MMP16: variants seen among roughly 807,000 people sequenced by gnomAD.
MMP16 encodes matrix metallopeptidase 16.
MMP16 carries 12 observed loss-of-function variants against 67.8 expected under a neutral mutation model. The observed-to-expected ratio is 0.18, with a 90% CI of 0.11 to 0.29. The LOEUF (loss-of-function observed/expected upper bound fraction) is 0.29. Among genes scored for constraint, MMP16 ranks in the 10% least tolerant of loss-of-function variants. The pLI is 1.00. For missense variants in MMP16, 475 were observed against 765.7 expected (o/e 0.62, Z 4.48); for synonymous variants, 249 against 255.9 (o/e 0.97, Z 0.26).
chr8:88,158,985 G>C (rs186599391), intron 4 of MMP16, among the ~76,000 whole-genome samples: 77 of 152,228 alleles, frequency 5.1e-4, no homozygotes, highest in African/African-American at 1.8e-3. Context: ...TAGATGTGTG[G>C]TGTTATTTCT....
rs533714807 is a variant in MMP16 at position 88,250,651 on chromosome 8, C to A, written c.133-53345G>T. Among the ~76,000 whole-genome samples the A allele has an allele frequency of 3.3e-5, 5 of 152,004 alleles. No individual in the cohort carries two copies. In the East Asian group the frequency reaches 9.7e-4, roughly 29 times the overall value. ...AGTAGGGGCTGAAAACATTTCATCT[C>A]TTAAAATTCATATTAAATATATATA... is the stretch of plus-strand genomic sequence containing the variant. On this transcript the variant is annotated intron_variant, in intron 1 of 9. Coordinates refer to ENST00000286614, the MANE Select transcript of MMP16 (RefSeq NM_005941.5).
At chr8:88,220,627 T>C (rs951007603) in intron 1 of MMP16, among the ~76,000 whole-genome samples, 2 of 152,130 alleles carry the variant, frequency 1.3e-5, no homozygotes, top group African/African-American at 4.8e-5. Flanking sequence ...GCACATTTAT[T>C]CATTAGGAGT....
At chr8:88,313,191 G>A (rs1489460023) in intron 1 of MMP16, among the ~76,000 whole-genome samples, 1 of 152,064 alleles carries the variant, frequency 6.6e-6, no homozygotes, top group African/African-American at 2.4e-5. Context: ...TGATGTTGTT[G>A]GACATCTGTG....
chr8:88,262,061 G>C (rs558278185), intron 1 of MMP16, among the ~76,000 whole-genome samples: 1 of 152,172 alleles, frequency 6.6e-6, no homozygotes, highest in Non-Finnish European at 1.5e-5. Flanking sequence ...CTAGCACAGG[G>C]CCAAAACATG....
intron 7 of MMP16, 107 bp downstream of exon 7, chr8:88,074,498 T>C: frequency 1.0e-6 from 1 of 958,848 alleles, no homozygotes; most frequent in Non-Finnish European, 1.4e-6. Flanking sequence ...TTTATTTCAT[T>C]AAATCCATAG....
At chr8:88,172,061 A>C (rs1423540624) in intron 3 of MMP16, among the ~76,000 whole-genome samples, 2 of 152,164 alleles carry the variant, frequency 1.3e-5, no homozygotes, top group Admixed American at 6.5e-5. Context: ...TCCTGACCTC[A>C]GGTCGCCTTG....
rs71277990 is a variant in MMP16, at chr8:88,258,044, C to CT, written c.133-60739dup. On this transcript the variant is annotated intron_variant, in intron 1 of 9. Coordinates refer to ENST00000286614, the MANE Select transcript of MMP16 (RefSeq NM_005941.5). ...AAGTCAAAATGCAATGACTCTTTTT[C>CT]TTTTTTTTTTTTTTTCTTTGAGACA... is the stretch of plus-strand genomic sequence containing the variant. 9.2e-3 allele frequency among the ~76,000 whole-genome samples: 1,314 copies of CT among 143,106 alleles called. 8 individuals are homozygous for CT. Among genetic ancestry groups the CT allele is most frequent in the African/African-American group, 0.022 (868 of 39,096 alleles). 93.9% of individuals were successfully genotyped at this position (143,106 alleles called of 152,430 possible).
intron 1 of MMP16, among the ~76,000 whole-genome samples, chr8:88,238,461 C>T (rs140784016): frequency 6.7e-4 from 101 of 151,878 alleles, no homozygotes; most frequent in African/African-American, 2.1e-3. Flanking sequence ...AGTTTGAGAC[C>T]AACCCGGCCA....
At chr8:88,071,465 C>G (rs1234955014) in intron 7 of MMP16, among the ~76,000 whole-genome samples, 6 of 151,308 alleles carry the variant, frequency 4.0e-5, no homozygotes. Flanking sequence ...TAATAATTGT[C>G]TAGCACAGAT....
chr8:88,144,685 TCAATA>T (rs1393064657), intron 4 of MMP16, among the ~76,000 whole-genome samples: 1 of 151,958 alleles, frequency 6.6e-6, no homozygotes, highest in Admixed American at 6.6e-5. Context: ...GATTTCTTCT[TCAATA>T]CTATACTATA....
chr8:88,116,670 G>A lies in MMP16; in HGVS notation c.920C>T (p.Pro307Leu), dbSNP rs1360663314. The A allele has an allele frequency of 6.2e-7, 1 of 1,613,758 alleles. No individual in the cohort carries two copies. The highest frequency in any genetic ancestry group is 1.7e-5 in the Admixed American group (1 of 59,964). ...AGCCGGAGGAATAGAGCGGTGTGGGGGCACTGTCGGTAGAGGTCTTGTAGG... is the reference window on the plus strand; with the variant it reads ...AGCCGGAGGAATAGAGCGGTGTGGGAGCACTGTCGGTAGAGGTCTTGTAGG... ...PPPTRPLPTVPPHRSIPPADP... is the reference protein window; with the variant it reads ...PPPTRPLPTVLPHRSIPPADP... Residue 307 changes from proline to leucine, a missense_variant, in exon 6 of 10, where the codon CCC becomes CTC. Pro to Leu is a moderately conservative substitution (Grantham distance 98). Transcript: ENST00000286614.
At chr8:88,186,331 C>T (rs1809072020) in intron 3 of MMP16, 145 bp downstream of exon 3, 4 of 1,072,984 alleles carry the variant, frequency 3.7e-6, no homozygotes, top group Non-Finnish European at 5.3e-6. Context: ...ACTCTCCTCT[C>T]AATAGCAATT....
At chr8:88,270,107 GA>G (rs2129970329) in intron 1 of MMP16, among the ~76,000 whole-genome samples, 1 of 152,188 alleles carries the variant, frequency 6.6e-6, no homozygotes, top group Admixed American at 6.5e-5. Flanking sequence ...AGTTCTTTAA[GA>G]CAAAGAACAG....
In MMP16 at chr8:88,058,953, A is replaced by T. The variant is rs933003137; in HGVS notation, c.1223-2675T>A. ...ATTGATAGGCATTGCCAAGGGAAAT[A>T]AAATAAAGATAATATTAAGAATGAT... is the stretch of plus-strand genomic sequence containing the variant. On this transcript the variant is annotated intron_variant, in intron 7 of 9. Coordinates refer to ENST00000286614, the MANE Select transcript of MMP16 (RefSeq NM_005941.5). This position sits in a 1 kb window ranked among gnomAD's most constrained non-coding sequence, Gnocchi z 4.2. 8.5e-5 allele frequency among the ~76,000 whole-genome samples: 13 copies of T among 152,108 alleles called. No individual in the cohort carries two copies. Among genetic ancestry groups the T allele is most frequent in the African/African-American group, 3.1e-4 (13 of 41,424 alleles).
chr8:88,041,687 T>C lies in MMP16; in HGVS notation c.1598A>G (p.Asp533Gly). ...TTCTTTAACTCTGTCTGTTGGTCCA[T>C]CACAGCCCATAAAATCCTTGAGGAT... ...RSILKDFMGCDGPTDRVKEGH... is the reference protein window; with the variant it reads ...RSILKDFMGCGGPTDRVKEGH... Residue 533 changes from aspartate to glycine, a missense_variant, in exon 10 of 10, where the codon GAT becomes GGT. Asp to Gly is a moderately conservative substitution (Grantham distance 94). This residue lies in a region of MMP16 where 80 missense variants were observed against 93.4 expected (regional missense o/e 0.86). Transcript: ENST00000286614. This position sits in a 1 kb window ranked among gnomAD's most constrained non-coding sequence, Gnocchi z 6.0. The C allele has an allele frequency of 1.2e-6, 2 of 1,614,048 alleles. No individual in the cohort carries two copies. Among genetic ancestry groups the C allele is most frequent in the Non-Finnish European group, 1.7e-6 (2 of 1,179,982 alleles).
chr8:88,326,744 T>A, intron 1 of MMP16: 1 of 215,742 alleles, frequency 4.6e-6, no homozygotes, highest in Non-Finnish European at 9.5e-6. Flanking sequence ...CCCGAGCTGT[T>A]TATCCATCAT....
intron 1 of MMP16, among the ~76,000 whole-genome samples, chr8:88,314,298 G>C (rs1399822957): frequency 6.6e-6 from 1 of 152,100 alleles, no homozygotes; most frequent in East Asian, 1.9e-4. Flanking sequence ...CATAACAAAT[G>C]TTTTAATATT....
At chr8:88,301,519 A>C (rs569242316) in intron 1 of MMP16, among the ~76,000 whole-genome samples, 59 of 152,364 alleles carry the variant, frequency 3.9e-4, no homozygotes, top group African/African-American at 1.4e-3. Flanking sequence ...GCTCTCTTTC[A>C]ATGTATGCAT....
chr8:88,250,812 A>G (rs1810202086), intron 1 of MMP16, among the ~76,000 whole-genome samples: 1 of 149,492 alleles, frequency 6.7e-6, no homozygotes, highest in Non-Finnish European at 1.5e-5. Context: ...GTTTTAGGGT[A>G]CATGTGCACA....
Sources: gnomAD v4.1 joint callset for allele counts (sites outside exome capture counted in the v4.1 genomes callset) on GRCh38, gnomAD v4.1.1 for gene constraint, gnomAD v4.1.1 regional missense constraint, Gnocchi (gnomAD v3.1) non-coding constraint, MANE v1.5 for transcripts, NCBI Gene and HGNC (gene_info 2026-07-23, HGNC 2026-07-21) for gene names.